JAKMIP3: variants seen among roughly 807,000 people sequenced by gnomAD.
JAKMIP3 encodes Janus kinase and microtubule interacting protein 3.
A neutral mutation model predicts 118.5 loss-of-function variants in JAKMIP3; 58 were observed. That is an observed-to-expected ratio of 0.49 (90% CI 0.40 to 0.61). The LOEUF (loss-of-function observed/expected upper bound fraction) is 0.61. Among genes scored for constraint, JAKMIP3 ranks in the 20% least tolerant of loss-of-function variants. The pLI, the probability that JAKMIP3 is intolerant of heterozygous loss-of-function variation, is 0.00. For missense variants in JAKMIP3, 950 were observed against 1,109.0 expected, an observed-to-expected ratio of 0.86 and a Z score of 2.04; for synonymous variants, 486 against 451.2, an observed-to-expected ratio of 1.08 and a Z score of -0.98.
chr10:132,163,483 T>C, intron 20 of JAKMIP3, 71 bp downstream of exon 20: 1 of 1,393,896 alleles, frequency 7.2e-7, no homozygotes, highest in Non-Finnish European at 9.7e-7. Context: ...GGGGGGGTCC[T>C]CCCACGGCCA....
intron 9 of JAKMIP3, among the ~76,000 whole-genome samples, chr10:132,140,042 T>C (rs1047254142): frequency 1.3e-5 from 2 of 152,166 alleles, no homozygotes. Flanking sequence ...TTTGTTTGTA[T>C]TCCAATCAGT....
rs766228449 is a variant in JAKMIP3, at chr10:132,180,696, CGTGTGT to C, written c.*1104-1655_*1104-1650del. 9.1e-4 allele frequency among the ~76,000 whole-genome samples: 10 copies of C among 10,942 alleles called. 2 individuals carry two copies. The highest frequency in any genetic ancestry group is 2.4e-3 in the African/African-American group (5 of 2,078). 7.2% of individuals were successfully genotyped at this position (10,942 alleles called of 152,430 possible). ...GTGTGCGCGCGCGTGTGTGTGCGTG[CGTGTGT>C]GTGTGCGCGTGTGTGTGCGTGTGTG... On this transcript the variant is annotated intron_variant, in intron 23 of 23. Coordinates refer to ENST00000684848, the MANE Select transcript of JAKMIP3 (RefSeq NM_001323087.2).
intron 1 of JAKMIP3, among the ~76,000 whole-genome samples, chr10:132,080,503 ATTTTTTTTTTTTTTT>A (rs201838731): frequency 2.1e-4 from 13 of 61,580 alleles, no homozygotes; most frequent in African/African-American, 5.6e-4. Flanking sequence ...AAGTTATAGG[ATTTTTTTTTTTTTTT>A]TTTTTTTTTT....
At chr10:132,174,425 AGTGGGCTCC>A (rs137990475) in intron 23 of JAKMIP3, among the ~76,000 whole-genome samples, 1 of 151,278 alleles carries the variant, frequency 6.6e-6, no homozygotes, top group Non-Finnish European at 1.5e-5. Context: ...CCGTGGGCTC[AGTGGGCTCC>A]GTGGGCTCTG....
chr10:132,133,484 A>G lies in JAKMIP3; in HGVS notation c.806A>G (p.His269Arg). The change falls in exon 4 of 24, where the codon CAT (histidine) becomes CGT (arginine). Residue 269 changes from histidine to arginine, a missense_variant. Transcript: ENST00000684848. ...GGCAGCCCCAGACGGGAACTTCCTC[A>G]TGCAGCTGGTGCAGGAGACGCTTCA... is the stretch of plus-strand genomic sequence containing the variant. ...HPGSPRRELPHAAGAGDASDH... is the reference protein window; with the variant it reads ...HPGSPRRELPRAAGAGDASDH... 1.3e-6 allele frequency: 2 copies of G among 1,580,830 alleles called. No homozygotes were observed. Among genetic ancestry groups the G allele is most frequent in the Non-Finnish European group, 1.7e-6 (2 of 1,164,210 alleles).
intron 1 of JAKMIP3, among the ~76,000 whole-genome samples, chr10:132,092,330 G>C (rs923000405): frequency 2.6e-5 from 4 of 152,180 alleles, no homozygotes; most frequent in Non-Finnish European, 5.9e-5. Flanking sequence ...CTAGGTTGGG[G>C]AAGTTCTCCT....
intron 1 of JAKMIP3, among the ~76,000 whole-genome samples, chr10:132,097,621 C>G (rs1466931271): frequency 6.6e-6 from 1 of 151,952 alleles, no homozygotes; most frequent in Non-Finnish European, 1.5e-5. Context: ...AACCTTTGTC[C>G]CCTGGCTGTG....
At chr10:132,063,840 T>C (rs1420724436), upstream of JAKMIP3, among the ~76,000 whole-genome samples, 1 of 152,226 alleles carries the variant, frequency 6.6e-6, no homozygotes, top group Non-Finnish European at 1.5e-5. Context: ...TCACCTGAGA[T>C]CCTATCACCT....
At chr10:132,150,750 G>C (rs561833664) in intron 16 of JAKMIP3, among the ~76,000 whole-genome samples, 21 of 145,826 alleles carry the variant, frequency 1.4e-4, no homozygotes, top group African/African-American at 3.3e-4. Flanking sequence ...CATAATCCAT[G>C]TATCCGTCCT....
chr10:132,106,802 G>A (rs1363319465), intron 2 of JAKMIP3, among the ~76,000 whole-genome samples: 2 of 152,206 alleles, frequency 1.3e-5, no homozygotes, highest in African/African-American at 4.8e-5. Context: ...TTCCCTCTCT[G>A]CATTTTGCTG....
chr10:132,089,315 C>T (rs1211726752), intron 1 of JAKMIP3, among the ~76,000 whole-genome samples: 9 of 152,128 alleles, frequency 5.9e-5, no homozygotes, highest in Admixed American at 3.3e-4. Flanking sequence ...GCCATTTTCA[C>T]GATATTGATA....
chr10:132,052,551 G>A (rs865838431), intron 1 of JAKMIP3, among the ~76,000 whole-genome samples: 7 of 152,026 alleles, frequency 4.6e-5, no homozygotes, highest in East Asian at 1.9e-4. Context: ...TTTATCTCTC[G>A]TAGCTTCTTC....
chr10:132,123,695 C>T (rs939087212), intron 3 of JAKMIP3, among the ~76,000 whole-genome samples: 3 of 152,172 alleles, frequency 2.0e-5, no homozygotes, highest in Admixed American at 6.5e-5. Flanking sequence ...TCAAAAATGG[C>T]ATTGCTGAGT....
At chr10:132,136,615 C>T (rs2051842498) in intron 6 of JAKMIP3, among the ~76,000 whole-genome samples, 1 of 152,238 alleles carries the variant, frequency 6.6e-6, no homozygotes, top group Non-Finnish European at 1.5e-5. Context: ...GGGAGAGGCG[C>T]TCTCCTTACC....
At chr10:132,116,952 T>A in intron 2 of JAKMIP3, 125 bp from the exon 3 acceptor site, 1 of 1,156,776 alleles carries the variant, frequency 8.6e-7, no homozygotes. Context: ...ACGTGGAAGC[T>A]CCCCTTGAAT....
At chr10:132,100,037 G>A (rs2044579455) in intron 1 of JAKMIP3, among the ~76,000 whole-genome samples, 1 of 152,182 alleles carries the variant, frequency 6.6e-6, no homozygotes, top group Non-Finnish European at 1.5e-5. Flanking sequence ...AGTGCTGTAG[G>A]GGGTGTCTGC....
chr10:132,171,656 T>TG (rs67300141), intron 23 of JAKMIP3, among the ~76,000 whole-genome samples: 1 of 140,960 alleles, frequency 7.1e-6, no homozygotes, highest in Non-Finnish European at 1.6e-5. Flanking sequence ...TTCTTTCTTT[T>TG]TTTTTTTTTT....
intron 1 of JAKMIP3, among the ~76,000 whole-genome samples, chr10:132,076,832 C>A (rs548096306): frequency 3.0e-4 from 46 of 151,716 alleles, no homozygotes; most frequent in African/African-American, 1.1e-3. Context: ...GAGGACTGGC[C>A]TGCAGTGGCC....
rs376048017 is a variant in JAKMIP3, at chr10:132,175,699, G to A, written c.*1104-6658G>A. ...CTTCTGAGCTGGGTCACAGACTGCC[G>A]CCTCCATGCTGCTGCTGGAGATGAT... On this transcript the variant is annotated intron_variant, in intron 23 of 23. Coordinates refer to ENST00000684848, the MANE Select transcript of JAKMIP3 (RefSeq NM_001323087.2). Among the ~76,000 whole-genome samples, 254 of 152,226 alleles carry A rather than the reference G, an allele frequency of 1.7e-3. 5 individuals are homozygous for A. The South Asian group carries it at 0.021, about 13-fold the overall frequency.
Sources: allele counts gnomAD v4.1 joint callset (sites outside exome capture counted in the v4.1 genomes callset), GRCh38; gene constraint gnomAD v4.1.1; transcripts MANE v1.5; gene names NCBI Gene and HGNC (gene_info 2026-07-23, HGNC 2026-07-21).